PRMT8: variants seen among roughly 807,000 people sequenced by gnomAD.
The protein encoded by PRMT8 is protein arginine methyltransferase 8.
In PRMT8, 7 loss-of-function variants were observed where a neutral mutation model predicts 47.1. That is an observed-to-expected ratio of 0.15 (90% CI 0.08 to 0.28). The LOEUF is 0.28. PRMT8 is among the 10% of genes least tolerant of loss of function. The pLI is 1.00. For missense variants in PRMT8, 237 were observed against 505.4 expected (o/e 0.47, Z 5.09); for synonymous variants, 188 against 186.5 (o/e 1.01, Z -0.07).
chr12:3,519,969 C>G (rs1302680942), intron 1 of PRMT8, among the ~76,000 whole-genome samples: 1 of 152,184 alleles, frequency 6.6e-6, no homozygotes, highest in African/African-American at 2.4e-5. Flanking sequence ...ATCTTAAAAA[C>G]CCAATACAGG....
chr12:3,582,351 A>G (rs1867082905), intron 7 of PRMT8, among the ~76,000 whole-genome samples: 1 of 152,216 alleles, frequency 6.6e-6, no homozygotes, highest in African/African-American at 2.4e-5. Context: ...CCCAGCCAGA[A>G]CTGAAAATTC....
At chr12:3,461,312 G>A (rs1865038721) in intron 1 of PRMT8, among the ~76,000 whole-genome samples, 2 of 152,172 alleles carry the variant, frequency 1.3e-5, no homozygotes, top group African/African-American at 4.8e-5. Context: ...CTCTACTTTG[G>A]AGGAATGGAG....
At chr12:3,559,893 G>A (rs1307434187) in intron 4 of PRMT8, among the ~76,000 whole-genome samples, 8 of 152,164 alleles carry the variant, frequency 5.3e-5, no homozygotes, top group Admixed American at 3.9e-4. Context: ...GCATGGAATC[G>A]TTTATGCTCT....
At chr12:3,571,943 G>T (rs1204005589) in intron 6 of PRMT8, among the ~76,000 whole-genome samples, 2 of 152,126 alleles carry the variant, frequency 1.3e-5, no homozygotes, top group African/African-American at 2.4e-5. Context: ...CAGCTAAGAA[G>T]GAAAAATTTT....
intron 7 of PRMT8, among the ~76,000 whole-genome samples, chr12:3,581,652 T>G (rs910790175): frequency 3.3e-5 from 5 of 152,184 alleles, no homozygotes; most frequent in African/African-American, 1.2e-4. Flanking sequence ...AGAAACACAG[T>G]GTAATTGGCA....
chr12:3,465,834 G>A (rs1365261430), intron 1 of PRMT8, among the ~76,000 whole-genome samples: 1 of 152,154 alleles, frequency 6.6e-6, no homozygotes, highest in Non-Finnish European at 1.5e-5. Flanking sequence ...ACTTTATTTT[G>A]GATGGAGAAC....
rs983095383 is a variant in PRMT8 at position 3,436,768 on chromosome 12, G to C, written c.48+55326G>C. ...GATCGATTGCAGCATCTCCCCGACA[G>C]CATGGAGGCCTGGGTGATGGGAGAA... On this transcript the variant is annotated intron_variant, in intron 1 of 9. Transcript: ENST00000452611. The surrounding 1 kb of genome is among the most constrained non-coding windows in gnomAD (Gnocchi z 4.2). 6.6e-6 allele frequency among the ~76,000 whole-genome samples: 1 copy of C among 152,188 alleles called. No individual in the cohort carries two copies. The highest frequency in any genetic ancestry group is 1.9e-4 in the East Asian group (1 of 5,182).
chr12:3,582,117 G>T (rs1350689795), intron 7 of PRMT8, among the ~76,000 whole-genome samples: 1 of 152,204 alleles, frequency 6.6e-6, no homozygotes, highest in Non-Finnish European at 1.5e-5. Flanking sequence ...CTAATGGGAA[G>T]TTCTTCCTTG....
chr12:3,459,099 T>G (rs1325167682), intron 1 of PRMT8, among the ~76,000 whole-genome samples: 3 of 152,236 alleles, frequency 2.0e-5, no homozygotes, highest in Non-Finnish European at 4.4e-5. Flanking sequence ...TTCATCCAGA[T>G]TCCTTCATCC....
At chr12:3,418,170 C>T (rs1864502709) in intron 1 of PRMT8, among the ~76,000 whole-genome samples, 1 of 152,234 alleles carries the variant, frequency 6.6e-6, no homozygotes, top group South Asian at 2.1e-4. Flanking sequence ...AGGCCCCAGC[C>T]AAGTGCAGAA....
chr12:3,458,633 C>T (rs1036584655), intron 1 of PRMT8, among the ~76,000 whole-genome samples: 5 of 152,264 alleles, frequency 3.3e-5, no homozygotes, highest in African/African-American at 1.2e-4. Context: ...CACAGTATAT[C>T]TGTCCTGTTC....
At chr12:3,577,921 G>T (rs1244616475) in intron 7 of PRMT8, among the ~76,000 whole-genome samples, 1 of 152,146 alleles carries the variant, frequency 6.6e-6, no homozygotes, top group Non-Finnish European at 1.5e-5. Context: ...GAATAAAGGT[G>T]AAAGGTGCCC....
chr12:3,398,474 T>C (rs1438360536), intron 1 of PRMT8, among the ~76,000 whole-genome samples: 2 of 152,014 alleles, frequency 1.3e-5, no homozygotes, highest in African/African-American at 4.8e-5. Context: ...AGAAAGAGAG[T>C]TGATCTCATA....
intron 1 of PRMT8, among the ~76,000 whole-genome samples, chr12:3,398,484 A>G (rs539023378): frequency 6.6e-6 from 1 of 152,326 alleles, no homozygotes; most frequent in South Asian, 2.1e-4. Context: ...TTGATCTCAT[A>G]CTTCACAGAA....
At chr12:3,430,965 G>A (rs887155621) in intron 1 of PRMT8, among the ~76,000 whole-genome samples, 1 of 152,186 alleles carries the variant, frequency 6.6e-6, no homozygotes, top group Non-Finnish European at 1.5e-5. Flanking sequence ...GCCAGAAGCT[G>A]GGGCAGTGCC....
intron 1 of PRMT8, among the ~76,000 whole-genome samples, chr12:3,451,714 G>T (rs1221441687): frequency 6.6e-6 from 1 of 152,208 alleles, no homozygotes; most frequent in African/African-American, 2.4e-5. Context: ...CCGCAGTGCT[G>T]TTGATGATGA....
At chr12:3,470,105 A>G (rs1487479896) in intron 1 of PRMT8, among the ~76,000 whole-genome samples, 1 of 152,132 alleles carries the variant, frequency 6.6e-6, no homozygotes, top group Non-Finnish European at 1.5e-5. Context: ...GCGGATTATA[A>G]CGAATACACA....
At chr12:3,452,978 A>T (rs1864937093) in intron 1 of PRMT8, among the ~76,000 whole-genome samples, 1 of 152,148 alleles carries the variant, frequency 6.6e-6, no homozygotes, top group South Asian at 2.1e-4. Flanking sequence ...ACAAACAAAA[A>T]ATCCACACAA....
chr12:3,460,499 C>T (rs145884468), intron 1 of PRMT8, among the ~76,000 whole-genome samples: 83 of 152,202 alleles, frequency 5.5e-4, no homozygotes, highest in Admixed American at 1.5e-3. Flanking sequence ...GATTGTTTTA[C>T]CTTTTGGCTG....
Sources: allele counts gnomAD v4.1 joint callset (sites outside exome capture counted in the v4.1 genomes callset), GRCh38; gene constraint gnomAD v4.1.1; non-coding constraint Gnocchi (gnomAD v3.1); transcripts MANE v1.5; gene names NCBI Gene and HGNC (gene_info 2026-07-23, HGNC 2026-07-21).